CADM2: variants seen among roughly 807,000 people sequenced by gnomAD.
CADM2 encodes cell adhesion molecule 2.
CADM2 carries 12 observed loss-of-function variants against 49.8 expected under a neutral mutation model. The observed-to-expected ratio is 0.24, with a 90% CI of 0.15 to 0.39. CADM2 has a LOEUF of 0.39. Ranked by LOEUF, CADM2 falls within the 10% of genes least tolerant of loss-of-function variation. The pLI is 1.00. For synonymous variants in CADM2, 214 were observed against 175.4 expected, an observed-to-expected ratio of 1.22 and a Z score of -1.74; for missense variants, 378 against 492.3, an observed-to-expected ratio of 0.77 and a Z score of 2.20.
intron 1 of CADM2, among the ~76,000 whole-genome samples, chr3:85,605,621 A>C (rs1244289059): frequency 6.6e-6 from 1 of 152,064 alleles, no homozygotes; most frequent in Non-Finnish European, 1.5e-5. Context: ...AGGTCCATGA[A>C]GAAACAGTTG....
At chr3:85,371,239 A>T (rs2033205435) in intron 1 of CADM2, among the ~76,000 whole-genome samples, 1 of 151,986 alleles carries the variant, frequency 6.6e-6, no homozygotes. Flanking sequence ...CTTCACATTC[A>T]CTCACCACTC....
At chr3:85,323,295 C>G (rs146203255) in intron 1 of CADM2, among the ~76,000 whole-genome samples, 1 of 152,226 alleles carries the variant, frequency 6.6e-6, no homozygotes, top group Non-Finnish European at 1.5e-5. Flanking sequence ...TAAATGGGAC[C>G]TATTTGGTAG....
intron 6 of CADM2, among the ~76,000 whole-genome samples, chr3:85,920,170 A>G (rs925926735): frequency 1.3e-5 from 2 of 151,868 alleles, no homozygotes; most frequent in African/African-American, 4.8e-5. Flanking sequence ...ATCAGATAGG[A>G]AGACGAATAT....
intron 3 of CADM2, among the ~76,000 whole-genome samples, chr3:85,832,413 G>A (rs1306496666): frequency 2.6e-5 from 4 of 151,906 alleles, no homozygotes; most frequent in African/African-American, 7.2e-5. Context: ...AGGCAGTATG[G>A]CAATTTTAAC....
chr3:85,751,603 A>G (rs1008812822), intron 2 of CADM2, among the ~76,000 whole-genome samples: 2 of 152,134 alleles, frequency 1.3e-5, no homozygotes, highest in African/African-American at 4.8e-5. Flanking sequence ...ACATCCATTT[A>G]GGTTCTTTGA....
In CADM2 at chr3:85,943,003, CCTGA is replaced by C. The variant is rs1224239967; in HGVS notation, c.791+7149_791+7152del. ...ACATCCTCTCCAGCACCTGTTGTTT[CCTGA>C]CTTTTTAATGATTCCCATTCTAACT... is the stretch of plus-strand genomic sequence containing the variant. On this transcript the variant is annotated intron_variant, in intron 7 of 9. Coordinates refer to ENST00000383699, the MANE Select transcript of CADM2 (RefSeq NM_001167675.2). 2.0e-5 allele frequency among the ~76,000 whole-genome samples: 3 copies of C among 152,044 alleles called. No homozygotes were observed. The East Asian group carries it at 5.8e-4, about 29-fold the overall frequency.
chr3:85,107,338 T>C (rs1341449317), intron 1 of CADM2, among the ~76,000 whole-genome samples: 1 of 152,148 alleles, frequency 6.6e-6, no homozygotes, highest in Non-Finnish European at 1.5e-5. Context: ...AAGCACGTAA[T>C]TGGCACATAA....
intron 1 of CADM2, among the ~76,000 whole-genome samples, chr3:85,409,780 A>G (rs2035573157): frequency 6.6e-6 from 1 of 151,968 alleles, no homozygotes; most frequent in Non-Finnish European, 1.5e-5. Context: ...AATTGATTGA[A>G]CCCTGTCACT....
rs975263585 is a variant in CADM2 at position 85,168,637 on chromosome 3, A to T, written c.61+208969A>T. On this transcript the variant is annotated intron_variant, in intron 1 of 9. Transcript: ENST00000383699. ...AAACAGTGTCTTTTGCCTTAATTTTATCTAATCTGTAATTTGCCATGGTGA... is the reference window on the plus strand; with the variant it reads ...AAACAGTGTCTTTTGCCTTAATTTTTTCTAATCTGTAATTTGCCATGGTGA... Among the ~76,000 whole-genome samples the T allele has an allele frequency of 2.6e-5, 4 of 152,114 alleles. No individual in the cohort carries two copies. In the East Asian group the frequency reaches 7.7e-4, roughly 29 times the overall value.
intron 8 of CADM2, among the ~76,000 whole-genome samples, chr3:86,049,638 C>T (rs1356557785): frequency 6.6e-6 from 1 of 152,094 alleles, no homozygotes; most frequent in Non-Finnish European, 1.5e-5. Context: ...GCGATGCTGC[C>T]ATCTGCTCAG....
At chr3:85,935,615 C>G (rs960071392) in intron 6 of CADM2, 152 bp from the exon 7 acceptor site, 1 of 401,208 alleles carries the variant, frequency 2.5e-6, no homozygotes, top group African/African-American at 2.1e-5. Flanking sequence ...AAATCACACA[C>G]CTTATTTTAC....
intron 1 of CADM2, among the ~76,000 whole-genome samples, chr3:85,349,856 AG>A (rs1255464568): frequency 2.0e-5 from 3 of 152,232 alleles, no homozygotes; most frequent in African/African-American, 7.2e-5. Flanking sequence ...GAACTGGACT[AG>A]GATGGGTTAA....
chr3:85,823,443 A>C (rs2073715991), intron 3 of CADM2, among the ~76,000 whole-genome samples: 1 of 152,146 alleles, frequency 6.6e-6, no homozygotes, highest in African/African-American at 2.4e-5. Flanking sequence ...ACTTCTAGAA[A>C]ACAAACAAAC....
intron 1 of CADM2, among the ~76,000 whole-genome samples, chr3:85,384,622 T>C (rs1008742182): frequency 1.3e-5 from 2 of 151,910 alleles, no homozygotes; most frequent in Non-Finnish European, 2.9e-5. Context: ...CCTCCTTTTC[T>C]TATTGGTCAG....
At chr3:85,778,427 C>T (rs1026470660) in intron 2 of CADM2, among the ~76,000 whole-genome samples, 3 of 152,078 alleles carry the variant, frequency 2.0e-5, no homozygotes, top group Admixed American at 2.0e-4. Flanking sequence ...AGGGGAAGGA[C>T]CACATGGAGG....
chr3:85,688,949 A>C (rs1245802705), intron 1 of CADM2, among the ~76,000 whole-genome samples: 2 of 152,188 alleles, frequency 1.3e-5, no homozygotes, highest in Non-Finnish European at 1.5e-5. Flanking sequence ...ACCCAAGAGA[A>C]ATGAAATCAA....
intron 1 of CADM2, among the ~76,000 whole-genome samples, chr3:85,552,336 A>G (rs940008920): frequency 2.0e-5 from 3 of 151,796 alleles, no homozygotes; most frequent in Admixed American, 2.0e-4. Flanking sequence ...AGAATCCATA[A>G]AACTTAAAAT....
At chr3:85,673,104 C>G (rs1165649369) in intron 1 of CADM2, among the ~76,000 whole-genome samples, 1 of 152,194 alleles carries the variant, frequency 6.6e-6, no homozygotes, top group Admixed American at 6.5e-5. Context: ...TGTAAATTGT[C>G]TGTCTTCTGA....
intron 1 of CADM2, among the ~76,000 whole-genome samples, chr3:85,263,056 G>C (rs906892754): frequency 1.3e-5 from 2 of 151,816 alleles, no homozygotes; most frequent in South Asian, 2.1e-4. Context: ...GCAGTGGCGC[G>C]ATCTCAGGTC....
Sources: gnomAD v4.1 joint callset for allele counts (sites outside exome capture counted in the v4.1 genomes callset) on GRCh38, gnomAD v4.1.1 for gene constraint, MANE v1.5 for transcripts, NCBI Gene and HGNC (gene_info 2026-07-23, HGNC 2026-07-21) for gene names.